Variants in CACFD1 observed in about 807,000 individuals in gnomAD.
CACFD1 encodes calcium channel flower domain containing 1, also known as calcium channel flower homolog.
CACFD1 carries 26 observed loss-of-function variants against 21.3 expected under a neutral mutation model. That is an observed-to-expected ratio of 1.22 (90% CI 0.89 to 1.69). The LOEUF is 1.69. CACFD1 is among the 40% of genes most tolerant of loss of function. The pLI is 0.00. For missense variants in CACFD1, 265 were observed against 236.2 expected, an observed-to-expected ratio of 1.12 and a Z score of -0.80; for synonymous variants, 121 against 106.6, an observed-to-expected ratio of 1.13 and a Z score of -0.83.
intron 2 of CACFD1, among the ~76,000 whole-genome samples, chr9:133,464,456 G>C (rs1843349294): frequency 6.6e-6 from 1 of 152,162 alleles, no homozygotes; most frequent in Non-Finnish European, 1.5e-5. Context: ...TTGGAGGCCT[G>C]GTGTGTGGGA....
rs1329231954 is a variant in CACFD1 at position 133,468,985 on chromosome 9, G to C, written c.*332G>C. 8.1e-6 allele frequency: 3 copies of C among 372,560 alleles called. No individual in the cohort carries two copies. The highest frequency in any genetic ancestry group is 1.4e-5 in the Non-Finnish European group (3 of 208,294). 23.1% of individuals were successfully genotyped at this position (372,560 alleles called of 1,614,324 possible). A position where few individuals can be genotyped will look rare whatever the true frequency, so the allele number is the denominator to read the frequency against. ...TGACCTGGGAGCAGCTTCCCCTGGA[G>C]ATGCTGGTCCTGGCTTGAGGGGAGG... On this transcript the variant is annotated 3_prime_UTR_variant, in exon 5 of 5. Coordinates refer to ENST00000316948, the MANE Select transcript of CACFD1 (RefSeq NM_017586.5).
rs910165983 is a variant in CACFD1, at chr9:133,468,368, G to A, written c.429-195G>A. 18 of 1,535,746 alleles carry A rather than the reference G, an allele frequency of 1.2e-5. No homozygotes were observed. The highest frequency in any genetic ancestry group is 1.7e-4 in the Middle Eastern group (1 of 6,012). The stretch of plus-strand genomic sequence containing the variant: ...CCAGACTGAGGCTGGTTCCTTCGCA[G>A]CCCAGCATCCCAGGGAGCCTGGGCC... On this transcript the variant is annotated intron_variant, in intron 4 of 4. Transcript: ENST00000316948.
At position 133,467,982 on chromosome 9, in the gene CACFD1, G is replaced by A. The variant is rs782205792; in HGVS notation, c.382G>A (p.Ala128Thr). Residue 128 changes from alanine (A) to threonine (T), a missense_variant, in exon 4 of 5, where the codon GCC becomes ACC. Transcript: ENST00000316948. ...TLTTLLGNAI[A>T]FATGVLYGLS... is the part of the protein sequence containing the mutation. ...GACCACGCTGCTGGGCAACGCCATC[G>A]CCTTTGCTACGGGGGTGCTGTACGG... The A allele has an allele frequency of 3.3e-5, 53 of 1,613,950 alleles. No individual in the cohort carries two copies. Among genetic ancestry groups the A allele is most frequent in the Non-Finnish European group, 4.1e-5 (48 of 1,180,006 alleles).
At chr9:133,463,593 C>A in intron 2 of CACFD1, 38 bp downstream of exon 2, 1 of 1,609,124 alleles carries the variant, frequency 6.2e-7, no homozygotes. Context: ...GGGGGTCTTG[C>A]TGGTCGGGAA....
In CACFD1 at chr9:133,460,158, G is replaced by A; in HGVS notation, c.92G>A (p.Cys31Tyr). The change falls in exon 1 of 5, where the codon TGT becomes TAT. Residue 31 changes from cysteine to tyrosine, a missense_variant. Transcript: ENST00000316948. Reference protein sequence around the residue: ...EGMTWWYRWLCRLSGVLGAVS... With the variant: ...EGMTWWYRWLYRLSGVLGAVS... Reference sequence around the variant, plus strand: ...ATGACGTGGTGGTACCGCTGGCTGTGTCGCCTGTCTGGGGTGCTGGGGGCA... The same window carrying A: ...ATGACGTGGTGGTACCGCTGGCTGTATCGCCTGTCTGGGGTGCTGGGGGCA... 1 of 1,558,406 alleles carries A rather than the reference G, an allele frequency of 6.4e-7. No individual in the cohort carries two copies. Among genetic ancestry groups the A allele is most frequent in the Non-Finnish European group, 8.7e-7 (1 of 1,151,366 alleles).
chr9:133,464,573 T>C (rs587653456), intron 2 of CACFD1, among the ~76,000 whole-genome samples: 1 of 152,182 alleles, frequency 6.6e-6, no homozygotes, highest in Non-Finnish European at 1.5e-5. Context: ...ACAGGCATAA[T>C]GATGGCACTT....
chr9:133,461,487 A>G (rs1843216943), intron 1 of CACFD1, among the ~76,000 whole-genome samples: 1 of 152,194 alleles, frequency 6.6e-6, no homozygotes, highest in South Asian at 2.1e-4. Flanking sequence ...ATGTCTGGTT[A>G]GCTGTTTTCC....
At chr9:133,464,639 A>G (rs903243969) in intron 2 of CACFD1, among the ~76,000 whole-genome samples, 8 of 152,152 alleles carry the variant, frequency 5.3e-5, no homozygotes, top group Non-Finnish European at 7.4e-5. Flanking sequence ...ACTGATTGTT[A>G]TCCATGCATA....
At chr9:133,461,982 C>T (rs1352245715) in intron 1 of CACFD1, 2 of 985,318 alleles carry the variant, frequency 2.0e-6, no homozygotes, top group Non-Finnish European at 2.4e-6. Context: ...GGAGGTGATA[C>T]CTTGGGAGGG....
At chr9:133,463,422 G>A (rs891570528) in intron 1 of CACFD1, 61 bp from the exon 2 acceptor site, 6 of 1,611,390 alleles carry the variant, frequency 3.7e-6, no homozygotes, top group Middle Eastern at 1.7e-4. Flanking sequence ...TCCCAAGGCC[G>A]CCTTCCCAGC....
Position 133,465,330 on chromosome 9 carries a change from C to T in CACFD1, c.203C>T (p.Ala68Val), listed in dbSNP as rs1564456524. 3 of 1,614,044 alleles carry T rather than the reference C, an allele frequency of 1.9e-6. No individual in the cohort carries two copies. The highest frequency in any genetic ancestry group is 2.5e-6 in the Non-Finnish European group (3 of 1,179,994). Residue 68 changes from alanine to valine, a missense_variant, in exon 3 of 5, where the codon GCC becomes GTC. Coordinates refer to ENST00000316948, the MANE Select transcript of CACFD1 (RefSeq NM_017586.5). The surrounding 1 kb of genome is among the most constrained non-coding windows in gnomAD (Gnocchi z 5.0). ...TGCCCTGGTCCCTGCAGCATGAATG[C>T]CTTCATCTTGTTGCTGTGTGAGGCG... ...IAAGVWMIMN[A>V]FILLLCEAPF...
chr9:133,465,516 A>G lies in CACFD1; in HGVS notation c.320+69A>G. ...ACCCCACTGACAAAATAGGACCCAAAAGTCAGGTGAGGGTGGGCAGTGTAT... is the reference window on the plus strand; with the variant it reads ...ACCCCACTGACAAAATAGGACCCAAGAGTCAGGTGAGGGTGGGCAGTGTAT... On this transcript the variant is annotated intron_variant, in intron 3 of 4. Transcript: ENST00000316948. The surrounding 1 kb of genome is among the most constrained non-coding windows in gnomAD (Gnocchi z 5.0). 6.8e-7 allele frequency: 1 copy of G among 1,477,736 alleles called. No individual in the cohort carries two copies. The highest frequency in any genetic ancestry group is 9.2e-7 in the Non-Finnish European group (1 of 1,082,800). The allele number at this position is 1,477,736 out of a possible 1,614,324, so 91.5% of individuals were successfully genotyped here. A position where few individuals can be genotyped will look rare whatever the true frequency, so the allele number is the denominator to read the frequency against.
chr9:133,464,866 G>A (rs1554799214), intron 2 of CACFD1, among the ~76,000 whole-genome samples: 1 of 152,210 alleles, frequency 6.6e-6, no homozygotes, highest in Non-Finnish European at 1.5e-5. Context: ...TGCCTCCCTG[G>A]TGGGGCAGCC....
At chr9:133,460,240 C>G (rs978309573) in intron 1 of CACFD1, 53 bp downstream of exon 1, 35 of 1,414,402 alleles carry the variant, frequency 2.5e-5, no homozygotes, top group Non-Finnish European at 3.1e-5. Flanking sequence ...GCGCTCCTCG[C>G]CCTGCCCTGC....
In CACFD1 at chr9:133,468,845, C is replaced by A; in HGVS notation, c.*192C>A. ...CTGGCTGCTGGTGTGAGGGTCTGGG[C>A]TGCTGGACTTGAGGCAGAGCCTGCA... is the stretch of plus-strand genomic sequence containing the variant. On this transcript the variant is annotated 3_prime_UTR_variant, in exon 5 of 5. Transcript: ENST00000316948. 1.0e-6 allele frequency: 1 copy of A among 974,198 alleles called. No homozygotes were observed. The highest frequency in any genetic ancestry group is 1.5e-6 in the Non-Finnish European group (1 of 685,448). The allele number at this position is 974,198 out of a possible 1,614,324, so 60.3% of individuals were successfully genotyped here.
intron 4 of CACFD1, chr9:133,468,347 A>G (rs587736989): frequency 6.5e-7 from 1 of 1,535,688 alleles, no homozygotes; most frequent in South Asian, 1.2e-5. Context: ...CAGAGCCCAG[A>G]CTGAGGCTGG....
intron 1 of CACFD1, chr9:133,461,892 G>A (rs1005613197): frequency 9.1e-6 from 9 of 985,310 alleles, no homozygotes; most frequent in Admixed American, 1.2e-4. Flanking sequence ...GCTGGTCCTT[G>A]GGTAAGGTTT....
rs781891810 is a variant in CACFD1, at chr9:133,467,914, C to T, written c.321-7C>T. 1 of 1,608,424 alleles carries T rather than the reference C, an allele frequency of 6.2e-7. No homozygotes were observed. Among genetic ancestry groups the T allele is most frequent in the Non-Finnish European group, 8.5e-7 (1 of 1,176,680 alleles). On this transcript the variant is annotated splice_polypyrimidine_tract_variant and splice_region_variant and intron_variant, in intron 3 of 4. Transcript: ENST00000316948. ...GAGTGCCCCCTTGACCTCTGCTTTCCCCCCAGGATGGCGGTCGTTCCCATC... is the reference window on the plus strand; with the variant it reads ...GAGTGCCCCCTTGACCTCTGCTTTCTCCCCAGGATGGCGGTCGTTCCCATC...
At position 133,465,244 on chromosome 9, in the gene CACFD1, ATGGCAC is replaced by A. The variant is rs1843386152; in HGVS notation, c.195-68_195-63del. ...GAGGGTGAGGGAGGTGGCATTCCTTATGGCACTGGCACTGGGGGCCGCCCTCATCCT... is the reference window on the plus strand; with the variant it reads ...GAGGGTGAGGGAGGTGGCATTCCTTATGGCACTGGGGGCCGCCCTCATCCT... On this transcript the variant is annotated intron_variant, in intron 2 of 4. Transcript: ENST00000316948. This position sits in a 1 kb window ranked among gnomAD's most constrained non-coding sequence, Gnocchi z 5.0. 10 of 1,542,076 alleles carry A rather than the reference ATGGCAC, an allele frequency of 6.5e-6. No homozygotes were observed. Among genetic ancestry groups the A allele is most frequent in the Middle Eastern group, 2.2e-4 (1 of 4,512 alleles).
Sources: allele counts gnomAD v4.1 joint callset (sites outside exome capture counted in the v4.1 genomes callset), GRCh38; gene constraint gnomAD v4.1.1; non-coding constraint Gnocchi (gnomAD v3.1); transcripts MANE v1.5; gene names NCBI Gene and HGNC (gene_info 2026-07-23, HGNC 2026-07-21).